The following ITGA11 variants were observed in gnomAD, a reference collection of about 807,000 sequenced individuals.
ITGA11 encodes the protein integrin subunit alpha 11.
ITGA11 carries 97 observed loss-of-function variants against 141.9 expected under a neutral mutation model. The ratio of observed to expected loss-of-function variants is 0.68; its 90% CI spans 0.58 to 0.81. The LOEUF (loss-of-function observed/expected upper bound fraction) is 0.81. Among genes scored for constraint, ITGA11 ranks in the 30% least tolerant of loss-of-function variants. The pLI is 0.00. For synonymous variants in ITGA11, 658 were observed against 624.6 expected (o/e 1.05, Z -0.80); for missense variants, 1,387 against 1,559.2 (o/e 0.89, Z 1.86).
Position 68,299,587 on chromosome 15 carries a change from C to T in ITGA11, c.*3472G>A, listed in dbSNP as rs762103318. 1 of 152,104 alleles carries T rather than the reference C, an allele frequency of 6.6e-6. No individual in the cohort carries two copies. The highest frequency in any genetic ancestry group is 2.4e-5 in the African/African-American group (1 of 41,372). 9.4% of individuals were successfully genotyped at this position (152,104 alleles called of 1,614,324 possible). On this transcript the variant is annotated 3_prime_UTR_variant, in exon 30 of 30. Coordinates refer to ENST00000315757, the MANE Select transcript of ITGA11 (RefSeq NM_001004439.2). ...GCACATTTGGGTGGTGAGGAGACTG[C>T]TTCGTGGTGGTGAGGCATGGGTGCA...
chr15:68,403,258 C>T (rs1896556277), intron 1 of ITGA11, among the ~76,000 whole-genome samples: 1 of 152,110 alleles, frequency 6.6e-6, no homozygotes, highest in African/African-American at 2.4e-5. Context: ...CCTGGGGGAG[C>T]CTGATATGGT....
chr15:68,320,178 G>A lies in ITGA11; in HGVS notation c.2616+7C>T, dbSNP rs1250419503. The A allele has an allele frequency of 6.2e-7, 1 of 1,613,652 alleles. No individual in the cohort carries two copies. The highest frequency in any genetic ancestry group is 1.7e-5 in the Admixed American group (1 of 60,022). On this transcript the variant is annotated splice_region_variant and intron_variant, in intron 20 of 29. Transcript: ENST00000315757. The stretch of plus-strand genomic sequence containing the variant: ...GAGGCAGTCTGGGCAGGTCGCTGAG[G>A]TCTTACCTTCTGGATCAAGCTGGCA...
chr15:68,300,373 TG>T lies in ITGA11; in HGVS notation c.*2685del. On this transcript the variant is annotated 3_prime_UTR_variant, in exon 30 of 30. Coordinates refer to ENST00000315757, the MANE Select transcript of ITGA11 (RefSeq NM_001004439.2). Reference sequence around the variant, plus strand: ...GCAACTCTCAGCCATTAGAGTCATCTGGGGAAGTTGGAAACAAACTTGGCCC... The same window carrying T: ...GCAACTCTCAGCCATTAGAGTCATCTGGGAAGTTGGAAACAAACTTGGCCC... The T allele has an allele frequency of 6.6e-6, 1 of 152,248 alleles. No individual in the cohort carries two copies. The allele number at this position is 152,248 out of a possible 1,614,324, so 9.4% of individuals were successfully genotyped here.
intron 18 of ITGA11, among the ~76,000 whole-genome samples, chr15:68,323,287 C>A (rs1244073514): frequency 6.6e-6 from 1 of 152,136 alleles, no homozygotes; most frequent in Non-Finnish European, 1.5e-5. Context: ...ATTCTAGCAC[C>A]AAAGTTCATC....
intron 2 of ITGA11, among the ~76,000 whole-genome samples, chr15:68,379,475 A>C (rs1895807994): frequency 6.6e-6 from 1 of 152,260 alleles, no homozygotes; most frequent in Admixed American, 6.5e-5. Context: ...TTGTTGAGTG[A>C]ACACATGAAT....
In ITGA11 at chr15:68,398,567, A is replaced by G. The variant is rs548725166; in HGVS notation, c.164+4351T>C. ...CATTAATAATGGGAGACTTTAACAT[A>G]TTTATTATAATATGATTTATATTAA... is the stretch of plus-strand genomic sequence containing the variant. On this transcript the variant is annotated intron_variant, in intron 2 of 29. Coordinates refer to ENST00000315757, the MANE Select transcript of ITGA11 (RefSeq NM_001004439.2). 4.1e-3 allele frequency among the ~76,000 whole-genome samples: 593 copies of G among 144,854 alleles called. 2 individuals are homozygous for G. Among genetic ancestry groups the G allele is most frequent in the Middle Eastern group, 7.2e-3 (2 of 276 alleles).
intron 2 of ITGA11, among the ~76,000 whole-genome samples, chr15:68,382,898 C>T (rs58763673): frequency 0.087 from 13,260 of 152,244 alleles, 903 homozygotes; most frequent in African/African-American, 0.19. Context: ...AAGCATCTTG[C>T]TATTGGTTAT....
chr15:68,404,909 A>G (rs1232828204), intron 1 of ITGA11, among the ~76,000 whole-genome samples: 4 of 152,206 alleles, frequency 2.6e-5, no homozygotes, highest in African/African-American at 9.6e-5. Flanking sequence ...ATTCACATGT[A>G]TGTTATCATT....
At position 68,369,178 on chromosome 15, in the gene ITGA11, C is replaced by T. The variant is rs368331124; in HGVS notation, c.265+6G>A. 2.5e-5 allele frequency: 41 copies of T among 1,608,408 alleles called. No homozygotes were observed. The highest frequency in any genetic ancestry group is 8.0e-5 in the African/African-American group (6 of 74,792). On this transcript the variant is annotated splice_donor_region_variant and intron_variant, in intron 3 of 29. Transcript: ENST00000315757. ...TCATTGTGAAGAGACCACCAGCCCA[C>T]GTTACCCAGGTTGAGTTTGGTGCAG...
At chr15:68,403,115 G>A (rs1896551830) in intron 1 of ITGA11, 86 bp from the exon 2 acceptor site, 11 of 839,598 alleles carry the variant, frequency 1.3e-5, no homozygotes, top group Non-Finnish European at 2.2e-5. Flanking sequence ...CCCATTGGCA[G>A]GTCATGAACC....
rs142696701 is a variant in ITGA11, at chr15:68,307,831, G to A, written c.3175-135C>T. The A allele has an allele frequency of 8.2e-4, 508 of 622,606 alleles. 2 individuals are homozygous for A. The African/African-American group carries it at 8.6e-3, about 11-fold the overall frequency. 38.6% of individuals were successfully genotyped at this position (622,606 alleles called of 1,614,324 possible). ...AGGGGACAAAGAGAAAGTTGGGAGT[G>A]GGGGACATGTGCATTGCGTCTGCCA... On this transcript the variant is annotated intron_variant, in intron 26 of 29. Coordinates refer to ENST00000315757, the MANE Select transcript of ITGA11 (RefSeq NM_001004439.2). The surrounding 1 kb of genome is among the most constrained non-coding windows in gnomAD (Gnocchi z 6.1).
At position 68,325,327 on chromosome 15, in the gene ITGA11, C is replaced by T. The variant is rs963214069; in HGVS notation, c.2212-86G>A. The stretch of plus-strand genomic sequence containing the variant: ...ACCGTGGATGCTGAGATAGAACTTC[C>T]ACCTTCCTTAGATGGCAGGGCAGCT... On this transcript the variant is annotated intron_variant, in intron 17 of 29. Transcript: ENST00000315757. This position sits in a 1 kb window ranked among gnomAD's most constrained non-coding sequence, Gnocchi z 5.5. 3.3e-6 allele frequency: 3 copies of T among 919,256 alleles called. No individual in the cohort carries two copies. Among genetic ancestry groups the T allele is most frequent in the Admixed American group, 1.9e-5 (1 of 52,880 alleles). 56.9% of individuals were successfully genotyped at this position (919,256 alleles called of 1,614,324 possible). A position where few individuals can be genotyped will look rare whatever the true frequency, so the allele number is the denominator to read the frequency against.
intron 1 of ITGA11, among the ~76,000 whole-genome samples, chr15:68,412,389 C>T (rs1052306655): frequency 6.6e-6 from 1 of 152,180 alleles, no homozygotes; most frequent in African/African-American, 2.4e-5. Context: ...ATGGCCTCCT[C>T]CTGCCTCAGC....
chr15:68,365,249 C>G (rs1407123240), intron 3 of ITGA11: 24 of 985,318 alleles, frequency 2.4e-5, no homozygotes, highest in Admixed American at 1.2e-4. Flanking sequence ...GTGCCCACTT[C>G]TCTGCTCATC....
In ITGA11 at chr15:68,328,802, C is replaced by T. The variant is rs1004947064; in HGVS notation, c.1902-540G>A. Among the ~76,000 whole-genome samples, 1 of 152,080 alleles carries T rather than the reference C, an allele frequency of 6.6e-6. No individual in the cohort carries two copies. Among genetic ancestry groups the T allele is most frequent in the Admixed American group, 6.5e-5 (1 of 15,276 alleles). On this transcript the variant is annotated intron_variant, in intron 15 of 29. Coordinates refer to ENST00000315757, the MANE Select transcript of ITGA11 (RefSeq NM_001004439.2). The surrounding 1 kb of genome is among the most constrained non-coding windows in gnomAD (Gnocchi z 4.8). ...CTGATTTTGCATTTCTAACAAGATC[C>T]CAGGTGATGTGAACGTTCCATGGAC...
intron 8 of ITGA11, 100 bp downstream of exon 8, chr15:68,351,158 C>G: frequency 7.5e-7 from 1 of 1,329,364 alleles, no homozygotes; most frequent in South Asian, 1.4e-5. Flanking sequence ...GGCCTGGACA[C>G]TTGTGATACT....
In ITGA11 at chr15:68,343,695, G is replaced by A. The variant is rs370592484; in HGVS notation, c.1132-4051C>T. On this transcript the variant is annotated intron_variant, in intron 10 of 29. Coordinates refer to ENST00000315757, the MANE Select transcript of ITGA11 (RefSeq NM_001004439.2). ...CCCCGCCAAACTCCCGAGAGTCCACGTCAGAGTGGCTGTAGAGGGGTGAGG... is the reference window on the plus strand; with the variant it reads ...CCCCGCCAAACTCCCGAGAGTCCACATCAGAGTGGCTGTAGAGGGGTGAGG... 4.6e-5 allele frequency among the ~76,000 whole-genome samples: 7 copies of A among 152,292 alleles called. No individual in the cohort carries two copies. In the East Asian group the frequency reaches 1.2e-3, roughly 25 times the overall value.
At chr15:68,407,314 T>A (rs530698249) in intron 1 of ITGA11, among the ~76,000 whole-genome samples, 2 of 152,206 alleles carry the variant, frequency 1.3e-5, no homozygotes, top group Admixed American at 1.3e-4. Flanking sequence ...GAAGAGGCAT[T>A]AAATTACAAA....
chr15:68,398,556 G>A (rs1358220791), intron 2 of ITGA11, among the ~76,000 whole-genome samples: 6 of 149,266 alleles, frequency 4.0e-5, no homozygotes, highest in Non-Finnish European at 7.4e-5. Flanking sequence ...AATAATGGGA[G>A]ACTTTAACAT....
Sources: allele counts gnomAD v4.1 joint callset (sites outside exome capture counted in the v4.1 genomes callset), GRCh38; gene constraint gnomAD v4.1.1; non-coding constraint Gnocchi (gnomAD v3.1); transcripts MANE v1.5; gene names NCBI Gene and HGNC (gene_info 2026-07-23, HGNC 2026-07-21).